The following PACS2 variants were observed in gnomAD, a reference collection of about 807,000 sequenced individuals.
The protein encoded by PACS2 is phosphofurin acidic cluster sorting protein 2, also known as PACS1-like protein.
PACS2 carries 36 observed loss-of-function variants against 113.0 expected under a neutral mutation model. That is an observed-to-expected ratio of 0.32 (90% CI 0.24 to 0.42). The LOEUF (loss-of-function observed/expected upper bound fraction) is 0.42, where lower values mean the gene tolerates loss of function less well. Ranked by LOEUF, PACS2 falls within the 10% of genes least tolerant of loss-of-function variation. The pLI is 1.00. For synonymous variants in PACS2, 589 were observed against 536.1 expected, an observed-to-expected ratio of 1.10 and a Z score of -1.36; for missense variants, 1,015 against 1,239.5, an observed-to-expected ratio of 0.82 and a Z score of 2.72.
chr14:105,336,030 A>G (rs1206888839), intron 1 of PACS2, among the ~76,000 whole-genome samples: 1 of 152,196 alleles, frequency 6.6e-6, no homozygotes, highest in East Asian at 1.9e-4. Flanking sequence ...TCCTCTGCCC[A>G]GGGGCAGCAG....
At position 105,365,518 on chromosome 14, in the gene PACS2, A is replaced by G. The variant is rs2060915018; in HGVS notation, c.424-1695A>G. Among the ~76,000 whole-genome samples the G allele has an allele frequency of 6.6e-6, 1 of 152,160 alleles. No individual in the cohort carries two copies. Among genetic ancestry groups the G allele is most frequent in the Admixed American group, 6.5e-5 (1 of 15,284 alleles). ...GGATCCCGGCAAAAGCATCTTTGAT[A>G]AGAGGCCCCATTCCTTCCTGCCCTC... is the stretch of plus-strand genomic sequence containing the variant. On this transcript the variant is annotated intron_variant, in intron 4 of 24. Transcript: ENST00000447393. The surrounding 1 kb of genome is among the most constrained non-coding windows in gnomAD (Gnocchi z 5.1).
rs1160580490 is a variant in PACS2 at position 105,314,863 on chromosome 14, G to T, written c.-56G>T. 2.1e-5 allele frequency: 17 copies of T among 827,960 alleles called. No individual in the cohort carries two copies. The highest frequency in any genetic ancestry group is 2.5e-5 in the Non-Finnish European group (17 of 692,888). 51.3% of individuals were successfully genotyped at this position (827,960 alleles called of 1,614,324 possible). A position where few individuals can be genotyped will look rare whatever the true frequency, so the allele number is the denominator to read the frequency against. ...TCCGCGCGCCCGGCCCGCCCGCCGC[G>T]CGTCCGCGGCCCGGCCGCAGCCCCA... On this transcript the variant is annotated 5_prime_UTR_variant, in exon 1 of 25. Transcript: ENST00000447393.
At chr14:105,302,205 T>G (rs1281131283) in intron 1 of PACS2, among the ~76,000 whole-genome samples, 1 of 134,224 alleles carries the variant, frequency 7.5e-6, no homozygotes, top group Non-Finnish European at 1.6e-5. Context: ...TTTTTCTTTC[T>G]TTTTTTTTTT....
intron 3 of PACS2, among the ~76,000 whole-genome samples, chr14:105,353,587 T>C (rs782499864): frequency 6.6e-6 from 1 of 151,412 alleles, no homozygotes; most frequent in Non-Finnish European, 1.5e-5. Context: ...TTTTTCTTTG[T>C]TTTTTCTTTG....
chr14:105,383,613 G>A, intron 16 of PACS2, 100 bp downstream of exon 16: 1 of 1,170,186 alleles, frequency 8.5e-7, no homozygotes, highest in Non-Finnish European at 1.2e-6. Context: ...TGTGTGGCGT[G>A]GCGTGGCGCG....
intron 1 of PACS2, among the ~76,000 whole-genome samples, chr14:105,333,752 C>T (rs886844893): frequency 2.0e-5 from 3 of 152,224 alleles, no homozygotes; most frequent in East Asian, 3.8e-4. Context: ...GGCTGGCAAC[C>T]GGCCCGGCCT....
At chr14:105,391,918 T>C in intron 22 of PACS2, 152 bp downstream of exon 22, 3 of 722,288 alleles carry the variant, frequency 4.2e-6, no homozygotes, top group Non-Finnish European at 6.6e-6. Context: ...GGCTGGGTCC[T>C]CTCTGGCCAC....
upstream of PACS2, chr14:105,314,503 T>C (rs1476565676): frequency 6.9e-6 from 1 of 144,406 alleles, no homozygotes. Context: ...CGCAGGCGCG[T>C]GAGTGCGCGC....
In PACS2 at chr14:105,376,856, A is replaced by G; in HGVS notation, c.890A>G (p.His297Arg). The G allele has an allele frequency of 6.2e-7, 1 of 1,612,998 alleles. No homozygotes were observed. The highest frequency in any genetic ancestry group is 8.5e-7 in the Non-Finnish European group (1 of 1,179,854). Residue 297 changes from histidine (H) to arginine (R), a missense_variant, in exon 9 of 25, where the codon CAC becomes CGC. Coordinates refer to ENST00000447393, the MANE Select transcript of PACS2 (RefSeq NM_001100913.3). This position sits in a 1 kb window ranked among gnomAD's most constrained non-coding sequence, Gnocchi z 4.7. ...CTGTATGACACCCTGGACATGGAGC[A>G]CCCCAGCGACAGCGGCCCCGACATG... Reference protein sequence around the residue: ...DLLYDTLDMEHPSDSGPDMED... With the variant: ...DLLYDTLDMERPSDSGPDMED...
At chr14:105,351,654 A>G (rs782729984) in intron 2 of PACS2, among the ~76,000 whole-genome samples, 2 of 152,186 alleles carry the variant, frequency 1.3e-5, no homozygotes, top group Admixed American at 1.3e-4. Flanking sequence ...TCTGGGCAAC[A>G]TGACTAATCC....
chr14:105,349,632 C>T (rs1194832251), intron 2 of PACS2, among the ~76,000 whole-genome samples: 1 of 152,262 alleles, frequency 6.6e-6, no homozygotes, highest in African/African-American at 2.4e-5. Flanking sequence ...TGTTGTCTGT[C>T]CCAGTCAATT....
chr14:105,314,665 T>G (rs2058475005), upstream of PACS2: 1 of 139,270 alleles, frequency 7.2e-6, no homozygotes, highest in South Asian at 2.2e-4. Context: ...CCGGCGCGGG[T>G]CGGAGGGCGC....
In PACS2 at chr14:105,376,690, A is replaced by T; in HGVS notation, c.802-78A>T. On this transcript the variant is annotated intron_variant, in intron 8 of 24. Coordinates refer to ENST00000447393, the MANE Select transcript of PACS2 (RefSeq NM_001100913.3). This position sits in a 1 kb window ranked among gnomAD's most constrained non-coding sequence, Gnocchi z 4.7. The stretch of plus-strand genomic sequence containing the variant: ...TGCCCGCCTCCTATTGCTCCTGCAG[A>T]CTCTGGGGTCTCGGGCGCCCCCAGT... The T allele has an allele frequency of 7.1e-7, 1 of 1,414,222 alleles. No individual in the cohort carries two copies. The highest frequency in any genetic ancestry group is 1.2e-5 in the South Asian group (1 of 81,516). The allele number at this position is 1,414,222 out of a possible 1,614,324, so 87.6% of individuals were successfully genotyped here.
At chr14:105,336,894 G>A (rs1257973107) in intron 1 of PACS2, among the ~76,000 whole-genome samples, 5 of 152,142 alleles carry the variant, frequency 3.3e-5, no homozygotes, top group African/African-American at 1.2e-4. Flanking sequence ...AGTAGAACCC[G>A]GGAGCACTGA....
chr14:105,386,897 T>C (rs2081194876), intron 19 of PACS2, among the ~76,000 whole-genome samples: 1 of 152,178 alleles, frequency 6.6e-6, no homozygotes, highest in African/African-American at 2.4e-5. Context: ...CCTTGCCCCC[T>C]GGCTGTGGCA....
Position 105,319,189 on chromosome 14 carries a change from G to A in PACS2, c.119+4152G>A, listed in dbSNP as rs185160060. Among the ~76,000 whole-genome samples the A allele has an allele frequency of 6.7e-3, 1,015 of 151,784 alleles. 6 individuals carry two copies. Among genetic ancestry groups the A allele is most frequent in the Non-Finnish European group, 0.011 (740 of 67,952 alleles). On this transcript the variant is annotated intron_variant, in intron 1 of 24. Transcript: ENST00000447393. ...TCTCGATCTCTTGACCTCGTGATCC[G>A]CCCGCCTTGGCCTCTGAAAGTGCTG...
chr14:105,381,873 C>G, intron 12 of PACS2, 41 bp from the exon 13 acceptor site: 2 of 1,528,910 alleles, frequency 1.3e-6, no homozygotes, highest in South Asian at 1.2e-5. Context: ...TGTTCCTGTT[C>G]CTGCTGCCAC....
In PACS2 at chr14:105,384,328, CACCAGCCCCA is replaced by C; in HGVS notation, c.1781-24_1781-15del. The C allele has an allele frequency of 7.0e-7, 1 of 1,432,788 alleles. No individual in the cohort carries two copies. Among genetic ancestry groups the C allele is most frequent in the Non-Finnish European group, 9.8e-7 (1 of 1,020,170 alleles). 88.8% of individuals were successfully genotyped at this position (1,432,788 alleles called of 1,614,324 possible). Reference sequence around the variant, plus strand: ...TGCAGCTCCGAGTCCCCCGTGGTGACACCAGCCCCACCCCTGGCATGCAGGCTCCCACCCC... The same window carrying C: ...TGCAGCTCCGAGTCCCCCGTGGTGACCCCCTGGCATGCAGGCTCCCACCCC... On this transcript the variant is annotated splice_polypyrimidine_tract_variant and intron_variant, in intron 16 of 24. Coordinates refer to ENST00000447393, the MANE Select transcript of PACS2 (RefSeq NM_001100913.3).
intron 2 of PACS2, among the ~76,000 whole-genome samples, chr14:105,350,553 G>T (rs1555403726): frequency 6.6e-6 from 1 of 151,966 alleles, no homozygotes; most frequent in East Asian, 1.9e-4. Flanking sequence ...GCAGCCACGT[G>T]GCCCTTGGCC....
Sources: gnomAD v4.1 joint callset for allele counts (sites outside exome capture counted in the v4.1 genomes callset) on GRCh38, gnomAD v4.1.1 for gene constraint, Gnocchi (gnomAD v3.1) non-coding constraint, MANE v1.5 for transcripts, NCBI Gene and HGNC (gene_info 2026-07-23, HGNC 2026-07-21) for gene names.